The following ASB3 variants were observed in gnomAD, a reference collection of about 807,000 sequenced individuals.
The protein encoded by ASB3 is ankyrin repeat and SOCS box containing 3, also known as ankyrin repeat and SOCS box protein 3.
A neutral mutation model predicts 54.5 loss-of-function variants in ASB3; 41 were observed. The ratio of observed to expected loss-of-function variants is 0.75; its 90% confidence interval spans 0.59 to 0.98. The LOEUF is 0.98. Ranked by LOEUF, ASB3 falls within the 50% of genes least tolerant of loss-of-function variation. The probability of loss-of-function intolerance (pLI) is 0.00; values close to 1 mark genes in which losing one functional copy is unlikely to be tolerated. For synonymous variants in ASB3, 266 were observed against 221.2 expected, an observed-to-expected ratio of 1.20 and a Z score of -1.80; for missense variants, 733 against 620.0, an observed-to-expected ratio of 1.18 and a Z score of -1.94.
intron 9 of ASB3, among the ~76,000 whole-genome samples, chr2:53,678,114 C>T (rs956670926): frequency 1.3e-4 from 19 of 149,270 alleles, no homozygotes; most frequent in African/African-American, 4.0e-4. Flanking sequence ...ATTAATATAC[C>T]CATCATCTCA....
chr2:53,784,092 C>T (rs973588193), intron 1 of ASB3, among the ~76,000 whole-genome samples: 2 of 152,158 alleles, frequency 1.3e-5, no homozygotes, highest in African/African-American at 2.4e-5. Flanking sequence ...CCTTAATTGG[C>T]AGAGGTAGAA....
intron 9 of ASB3, among the ~76,000 whole-genome samples, chr2:53,689,784 T>TC (rs754803784): frequency 2.2e-4 from 34 of 152,182 alleles, no homozygotes; most frequent in Non-Finnish European, 4.1e-4. Flanking sequence ...CTACCACAGA[T>TC]CAACCTTCAT....
intron 5 of ASB3, among the ~76,000 whole-genome samples, chr2:53,721,353 G>A (rs1021315706): frequency 1.4e-5 from 2 of 139,848 alleles, no homozygotes; most frequent in Admixed American, 7.5e-5. Flanking sequence ...TCAAGAGTTC[G>A]AGACCAGCCT....
intron 9 of ASB3, among the ~76,000 whole-genome samples, chr2:53,687,600 G>A (rs1397941733): frequency 6.6e-6 from 1 of 152,124 alleles, no homozygotes; most frequent in East Asian, 1.9e-4. Context: ...TGGCCCCCAT[G>A]ATAGACAAAC....
intron 7 of ASB3, among the ~76,000 whole-genome samples, chr2:53,708,345 G>A (rs940163983): frequency 6.6e-6 from 1 of 152,166 alleles, no homozygotes; most frequent in Non-Finnish European, 1.5e-5. Context: ...TCCAAAAGCT[G>A]AGCAGACACC....
At chr2:53,694,111 A>C in intron 8 of ASB3, 97 bp from the exon 9 acceptor site, 1 of 1,420,184 alleles carries the variant, frequency 7.0e-7, no homozygotes, top group Non-Finnish European at 9.6e-7. Context: ...CAAAATCTCA[A>C]TGAGGAGGGC....
intron 8 of ASB3, 79 bp downstream of exon 8, chr2:53,700,192 C>A (rs935859098): frequency 1.3e-6 from 2 of 1,534,732 alleles, no homozygotes; most frequent in African/African-American, 2.8e-5. Flanking sequence ...TCTCCAAACA[C>A]TGGGATCTCA....
chr2:53,754,675 A>G (rs192745867), intron 2 of ASB3, among the ~76,000 whole-genome samples: 3 of 152,322 alleles, frequency 2.0e-5, no homozygotes, highest in African/African-American at 4.8e-5. Context: ...CTCAGGTTCC[A>G]TAACAGTGAA....
At chr2:53,685,265 A>C (rs1668575934) in intron 9 of ASB3, among the ~76,000 whole-genome samples, 1 of 152,228 alleles carries the variant, frequency 6.6e-6, no homozygotes, top group Non-Finnish European at 1.5e-5. Flanking sequence ...GATCATTGCA[A>C]TCAACAAAGG....
chr2:53,680,670 A>T (rs1038118904), intron 9 of ASB3, among the ~76,000 whole-genome samples: 1 of 152,244 alleles, frequency 6.6e-6, no homozygotes, highest in African/African-American at 2.4e-5. Flanking sequence ...CATAATAATC[A>T]TATCAGGGTA....
At chr2:53,671,620 G>C (rs1667822765) in intron 9 of ASB3, among the ~76,000 whole-genome samples, 1 of 151,898 alleles carries the variant, frequency 6.6e-6, no homozygotes, top group African/African-American at 2.4e-5. Context: ...TTAGCTTGGC[G>C]TGGTGGCACA....
At chr2:53,678,652 T>C (rs1486969694) in intron 9 of ASB3, among the ~76,000 whole-genome samples, 1 of 152,152 alleles carries the variant, frequency 6.6e-6, no homozygotes, top group Non-Finnish European at 1.5e-5. Flanking sequence ...TACGGATATG[T>C]AGGTACAAGG....
intron 9 of ASB3, 136 bp downstream of exon 9, chr2:53,693,748 T>C: frequency 7.9e-7 from 1 of 1,260,190 alleles, no homozygotes; most frequent in Non-Finnish European, 1.1e-6. Flanking sequence ...AACCCCATCT[T>C]TTCCTCACAT....
chr2:53,692,101 C>A (rs1029976436), intron 9 of ASB3, among the ~76,000 whole-genome samples: 1 of 152,104 alleles, frequency 6.6e-6, no homozygotes, highest in African/African-American at 2.4e-5. Flanking sequence ...GCAATAGCAT[C>A]CCTAACAATT....
intron 1 of ASB3, chr2:53,774,454 G>A (rs1573021788): frequency 1.2e-6 from 2 of 1,602,324 alleles, no homozygotes; most frequent in Non-Finnish European, 8.5e-7. Context: ...AGAAGCAGAT[G>A]AGCATCTTTT....
At chr2:53,739,276 T>G (rs1455106072) in intron 3 of ASB3, among the ~76,000 whole-genome samples, 1 of 152,114 alleles carries the variant, frequency 6.6e-6, no homozygotes, top group Non-Finnish European at 1.5e-5. Context: ...TTGACCAAAA[T>G]CAACTCAGTT....
intron 5 of ASB3, 88 bp downstream of exon 5, chr2:53,728,624 T>C: frequency 7.3e-7 from 1 of 1,369,242 alleles, no homozygotes; most frequent in Non-Finnish European, 9.5e-7. Flanking sequence ...CACAACCTGA[T>C]TTATATTTGA....
chr2:53,759,710 TAA>T (rs1673035429), intron 2 of ASB3, among the ~76,000 whole-genome samples: 1 of 152,098 alleles, frequency 6.6e-6, no homozygotes. Flanking sequence ...AAGGACACTT[TAA>T]AAAAGATTGT....
intron 9 of ASB3, among the ~76,000 whole-genome samples, chr2:53,684,438 A>G (rs1170768887): frequency 6.6e-6 from 1 of 152,190 alleles, no homozygotes; most frequent in Admixed American, 6.5e-5. Flanking sequence ...TGAATAAAGG[A>G]GATTACCAGA....
Sources: gnomAD v4.1 joint callset for allele counts (sites outside exome capture counted in the v4.1 genomes callset) on GRCh38, gnomAD v4.1.1 for gene constraint, MANE v1.5 for transcripts, NCBI Gene and HGNC (gene_info 2026-07-23, HGNC 2026-07-21) for gene names.